DIAPH2: variants seen among roughly 807,000 people sequenced by gnomAD.
DIAPH2 encodes the protein protein diaphanous homolog 2.
Under a neutral mutation model 92.7 loss-of-function variants are expected in DIAPH2, and 35 were observed. The ratio of observed to expected loss-of-function variants is 0.38; its 90% confidence interval spans 0.29 to 0.50. The LOEUF (loss-of-function observed/expected upper bound fraction) is 0.50, where lower values mean the gene tolerates loss of function less well. Ranked by LOEUF, DIAPH2 falls within the 20% of genes least tolerant of loss-of-function variation. DIAPH2 has a pLI of 0.94. For missense variants in DIAPH2, 701 were observed against 819.5 expected, an observed-to-expected ratio of 0.86 and a Z score of 1.77; for synonymous variants, 301 against 280.4, an observed-to-expected ratio of 1.07 and a Z score of -0.73.
In DIAPH2 at chrX:97,294,519, A is replaced by G. The variant is rs184953797; in HGVS notation, c.2844+46680A>G. ...TATTTCTCTTTGAGTTATTCAAGTT[A>G]TATTTGTGCATATTAGTTACAGGAG... On this transcript the variant is annotated intron_variant, in intron 23 of 26. Coordinates refer to ENST00000324765, the MANE Select transcript of DIAPH2 (RefSeq NM_006729.5). 1.6e-3 allele frequency among the ~76,000 whole-genome samples: 175 copies of G among 111,679 alleles called. 1 individual carries two copies. The highest frequency in any genetic ancestry group is 2.1e-3 in the Non-Finnish European group (113 of 53,209).
chrX:97,041,394 T>G (rs1195726653), intron 17 of DIAPH2, among the ~76,000 whole-genome samples: 1 of 111,771 alleles, frequency 8.9e-6, no homozygotes, highest in Non-Finnish European at 1.9e-5. Context: ...GACATTTATT[T>G]GCAGAGAAGT....
intron 26 of DIAPH2, among the ~76,000 whole-genome samples, chrX:97,445,173 A>G (rs1041940881): frequency 9.0e-6 from 1 of 111,315 alleles, no homozygotes; most frequent in African/African-American, 3.3e-5. Flanking sequence ...ATCAGTTTGC[A>G]TGGCTTATTT....
At chrX:97,585,392 T>C (rs983462774) in intron 26 of DIAPH2, among the ~76,000 whole-genome samples, 1 of 110,065 alleles carries the variant, frequency 9.1e-6, no homozygotes, top group Non-Finnish European at 1.9e-5. Flanking sequence ...TTTACTTCCT[T>C]CTGTGTGTCT....
intron 21 of DIAPH2, among the ~76,000 whole-genome samples, chrX:97,139,723 T>G (rs767057191): frequency 4.5e-5 from 5 of 111,578 alleles, no homozygotes; most frequent in South Asian, 3.7e-4. Context: ...ACAAATTAAA[T>G]TGTTAGTGGA....
intron 11 of DIAPH2, among the ~76,000 whole-genome samples, chrX:96,938,168 C>G (rs1014624998): frequency 9.0e-6 from 1 of 111,358 alleles, no homozygotes; most frequent in Non-Finnish European, 1.9e-5. Context: ...TTTATGTACA[C>G]TTCTGTGCCC....
chrX:97,273,142 C>T (rs1329979686), intron 23 of DIAPH2, among the ~76,000 whole-genome samples: 2 of 111,415 alleles, frequency 1.8e-5, no homozygotes, highest in African/African-American at 6.5e-5. Flanking sequence ...GCAACAAGAG[C>T]GAAACTCCAT....
intron 24 of DIAPH2, among the ~76,000 whole-genome samples, chrX:97,351,632 T>C (rs2069214430): frequency 9.1e-6 from 1 of 109,656 alleles, no homozygotes; most frequent in Non-Finnish European, 1.9e-5. Context: ...TGAAACCCCG[T>C]CTCTACTAAA....
At chrX:97,234,355 A>AAAAAAT (rs2068031969) in intron 22 of DIAPH2, among the ~76,000 whole-genome samples, 1 of 108,660 alleles carries the variant, frequency 9.2e-6, no homozygotes. Flanking sequence ...AAAAGAAAAA[A>AAAAAAT]AGAAATCCAG....
At position 96,835,230 on chromosome X, in the gene DIAPH2, G is replaced by A. The variant is rs112178911; in HGVS notation, c.448-46349G>A. Among the ~76,000 whole-genome samples the A allele has an allele frequency of 1.9e-3, 210 of 111,792 alleles. 2 individuals are homozygous for A. The highest frequency in any genetic ancestry group is 6.5e-3 in the African/African-American group (201 of 30,804). The stretch of plus-strand genomic sequence containing the variant: ...CACAGGGCATGTCCTCAGCAAATAA[G>A]GGAATAACAACAAAACCAACAACAA... On this transcript the variant is annotated intron_variant, in intron 4 of 26. Coordinates refer to ENST00000324765, the MANE Select transcript of DIAPH2 (RefSeq NM_006729.5).
intron 25 of DIAPH2, among the ~76,000 whole-genome samples, chrX:97,394,456 G>A (rs948440188): frequency 2.7e-5 from 3 of 111,362 alleles, no homozygotes; most frequent in African/African-American, 9.8e-5. Flanking sequence ...AAGATTTCAA[G>A]AAATCTATGT....
chrX:96,866,905 C>G (rs973990433), intron 4 of DIAPH2, among the ~76,000 whole-genome samples: 1 of 111,586 alleles, frequency 9.0e-6, no homozygotes, highest in African/African-American at 3.3e-5. Flanking sequence ...ATAATGTGGA[C>G]CATGAAAAAG....
intron 5 of DIAPH2, among the ~76,000 whole-genome samples, chrX:96,890,096 C>T (rs909742357): frequency 1.8e-5 from 2 of 111,734 alleles, no homozygotes; most frequent in Admixed American, 9.5e-5. Flanking sequence ...CAGAAGGTGC[C>T]ACTGGCCACA....
chrX:97,185,492 T>TACAC lies in DIAPH2; in HGVS notation c.2719+43699_2719+43700insCACA, dbSNP rs1486745204. Among the ~76,000 whole-genome samples the TACAC allele has an allele frequency of 6.8e-5, 3 of 44,305 alleles. 1 individual carries two copies. The highest frequency in any genetic ancestry group is 1.4e-4 in the African/African-American group (1 of 6,965). The allele number at this position is 44,305 out of a possible 115,157, so 38.5% of individuals were successfully genotyped here. A position where few individuals can be genotyped will look rare whatever the true frequency, so the allele number is the denominator to read the frequency against. On this transcript the variant is annotated intron_variant, in intron 22 of 26. Transcript: ENST00000324765. ...ATATACACATATATATATATATATA[T>TACAC]ATATATATATATATATATATATATA...
chrX:97,541,187 A>G (rs1295927926), intron 26 of DIAPH2, among the ~76,000 whole-genome samples: 1 of 112,074 alleles, frequency 8.9e-6, no homozygotes, highest in African/African-American at 3.2e-5. Flanking sequence ...AAGCCAAGGA[A>G]ATTAAAGAAA....
chrX:97,036,843 G>T lies in DIAPH2; in HGVS notation c.2051-36098G>T, dbSNP rs1049524000. ...TGACTTTAGGGACATAAACTTCAGGGAGGTGCAATAGGTAGATGACAATCA... is the reference window on the plus strand; with the variant it reads ...TGACTTTAGGGACATAAACTTCAGGTAGGTGCAATAGGTAGATGACAATCA... On this transcript the variant is annotated intron_variant, in intron 17 of 26. Transcript: ENST00000324765. Among the ~76,000 whole-genome samples, 9 of 111,796 alleles carry T rather than the reference G, an allele frequency of 8.1e-5. No individual in the cohort carries two copies. In the East Asian group the frequency reaches 1.4e-3, roughly 17 times the overall value.
chrX:96,774,919 A>C, intron 4 of DIAPH2, among the ~76,000 whole-genome samples: 1 of 112,401 alleles, frequency 8.9e-6, no homozygotes, highest in Middle Eastern at 4.6e-3. Flanking sequence ...CAATCTCTAC[A>C]TATTCACAAT....
rs201313921 is a variant in DIAPH2, at chrX:97,578,093, CT to C, written c.3242-21143del. Among the ~76,000 whole-genome samples the C allele has an allele frequency of 4.8e-3, 437 of 90,780 alleles. 2 individuals are homozygous for C. The highest frequency in any genetic ancestry group is 0.033 in the Middle Eastern group (6 of 181). 78.8% of individuals were successfully genotyped at this position (90,780 alleles called of 115,157 possible). ...TCTCTTTGAGAAAACTGTTTTCTTTCTTTTTTTTTTTTTTTTTAGAACTAAG... is the reference window on the plus strand; with the variant it reads ...TCTCTTTGAGAAAACTGTTTTCTTTCTTTTTTTTTTTTTTTTAGAACTAAG... On this transcript the variant is annotated intron_variant, in intron 26 of 26. Coordinates refer to ENST00000324765, the MANE Select transcript of DIAPH2 (RefSeq NM_006729.5).
At chrX:96,964,045 A>G (rs189646084) in intron 16 of DIAPH2, among the ~76,000 whole-genome samples, 54 of 111,106 alleles carry the variant, frequency 4.9e-4, no homozygotes, top group African/African-American at 1.6e-3. Context: ...GTCTGTTTTA[A>G]AAGGTTATTA....
At chrX:97,367,753 A>C (rs1422078477) in intron 24 of DIAPH2, among the ~76,000 whole-genome samples, 1 of 101,834 alleles carries the variant, frequency 9.8e-6, no homozygotes, top group African/African-American at 3.7e-5. Context: ...CCCAGGCTGG[A>C]GTGCAATGGC....
Sources: allele counts gnomAD v4.1 joint callset (sites outside exome capture counted in the v4.1 genomes callset), GRCh38; gene constraint gnomAD v4.1.1; transcripts MANE v1.5; gene names NCBI Gene and HGNC (gene_info 2026-07-23, HGNC 2026-07-21).